The following ITIH2 variants were observed in gnomAD, a reference collection of about 807,000 sequenced individuals.
ITIH2 encodes the protein inter-alpha-trypsin inhibitor heavy chain H2.
A neutral mutation model predicts 104.4 loss-of-function variants in ITIH2; 103 were observed. That is an observed-to-expected ratio of 0.99 (90% CI 0.84 to 1.16). The LOEUF is 1.16. Ranked by LOEUF, ITIH2 falls within the 50% of genes most tolerant of loss-of-function variation. ITIH2 has a pLI of 0.00. For missense variants in ITIH2, 1,108 were observed against 1,162.4 expected, an observed-to-expected ratio of 0.95 and a Z score of 0.68; for synonymous variants, 436 against 435.4, an observed-to-expected ratio of 1.00 and a Z score of -0.02.
Position 7,709,099 on chromosome 10 carries a change from C to T in ITIH2, c.270C>T (p.Ile90=). The T allele has an allele frequency of 6.2e-7, 1 of 1,614,056 alleles. No individual in the cohort carries two copies. Among genetic ancestry groups the T allele is most frequent in the Non-Finnish European group, 8.5e-7 (1 of 1,179,960 alleles). ...CTTCTCGGATGGCCACCACCATGAT[C>T]CAGAGCAAAGTGGTGAACAATTCCC... The part of the protein sequence containing the change: ...TITSRMATTM[I]QSKVVNNSPQ... The change falls in exon 4 of 21, where the codon ATC becomes ATT. Residue 90 remains isoleucine, a synonymous_variant. Transcript: ENST00000358415.
chr10:7,728,065 ATCTGAG>A (rs1834968078), intron 11 of ITIH2, among the ~76,000 whole-genome samples: 1 of 152,176 alleles, frequency 6.6e-6, no homozygotes. Flanking sequence ...ATATGCAGAA[ATCTGAG>A]TCTGAATTTT....
At position 7,734,966 on chromosome 10, in the gene ITIH2, C is replaced by G; in HGVS notation, c.1832C>G (p.Ser611Trp). Residue 611 changes from serine (S) to tryptophan (W), a missense_variant, in exon 15 of 21, where the codon TCG (serine) becomes TGG (tryptophan). By Grantham distance (177) the Ser-to-Trp change is radical. Coordinates refer to ENST00000358415, the MANE Select transcript of ITIH2 (RefSeq NM_002216.3). ...TAAAKRRITR[S>W]ILQMSLDHHI... ...GCCGCCAAGAGAAGAATTACAAGAT[C>G]GATCCTGCAGATGTCTCTAGACCAC... 6.2e-7 allele frequency: 1 copy of G among 1,613,656 alleles called. No homozygotes were observed. The highest frequency in any genetic ancestry group is 8.5e-7 in the Non-Finnish European group (1 of 1,179,938).
intron 5 of ITIH2, among the ~76,000 whole-genome samples, chr10:7,715,638 C>T (rs1386568634): frequency 1.3e-5 from 2 of 152,304 alleles, no homozygotes; most frequent in Non-Finnish European, 2.9e-5. Flanking sequence ...CGAGGCCATG[C>T]TCATCTTTTT....
chr10:7,738,831 G>T, intron 16 of ITIH2, 73 bp downstream of exon 16: 1 of 1,462,422 alleles, frequency 6.8e-7, no homozygotes, highest in Non-Finnish European at 9.1e-7. Context: ...GTGTGCATGA[G>T]GCCAGGTGCA....
intron 8 of ITIH2, among the ~76,000 whole-genome samples, chr10:7,723,233 C>CGTGGA (rs1213498171): frequency 6.7e-6 from 1 of 148,548 alleles, no homozygotes; most frequent in African/African-American, 2.5e-5. Context: ...AGTGAAGCAG[C>CGTGGA]GTGGAGTGGA....
chr10:7,708,535 T>C (rs1834767399), intron 3 of ITIH2, among the ~76,000 whole-genome samples: 1 of 152,076 alleles, frequency 6.6e-6, no homozygotes, highest in African/African-American at 2.4e-5. Flanking sequence ...TTAAAGAAGG[T>C]AGAGAGCTGT....
chr10:7,739,654 G>T (rs938960093), intron 16 of ITIH2, among the ~76,000 whole-genome samples: 8 of 152,118 alleles, frequency 5.3e-5, no homozygotes, highest in African/African-American at 1.9e-4. Flanking sequence ...ACTTTTGGAG[G>T]CTCAGGTGGG....
intron 12 of ITIH2, among the ~76,000 whole-genome samples, chr10:7,731,391 T>C (rs1461759800): frequency 1.3e-5 from 2 of 152,186 alleles, no homozygotes; most frequent in African/African-American, 2.4e-5. Context: ...ACGTCCTGTG[T>C]GAATAAATTA....
At chr10:7,723,216 G>A (rs968962322) in intron 8 of ITIH2, among the ~76,000 whole-genome samples, 11 of 151,594 alleles carry the variant, frequency 7.3e-5, no homozygotes, top group African/African-American at 1.9e-4. Flanking sequence ...GGAGTGGAGC[G>A]GTGTGGAGTG....
At chr10:7,715,005 C>A (rs1834834442) in intron 5 of ITIH2, among the ~76,000 whole-genome samples, 1 of 152,104 alleles carries the variant, frequency 6.6e-6, no homozygotes, top group African/African-American at 2.4e-5. Context: ...GGAACCAAAC[C>A]CCAGAGGATA....
intron 3 of ITIH2, 80 bp from the exon 4 acceptor site, chr10:7,708,942 T>C: frequency 8.3e-7 from 1 of 1,199,074 alleles, no homozygotes. Context: ...TGTAGTGTTG[T>C]TAACATCAAA....
At chr10:7,723,694 T>A in intron 9 of ITIH2, 127 bp downstream of exon 9, 2 of 686,712 alleles carry the variant, frequency 2.9e-6, no homozygotes. Context: ...GGTTACAGAC[T>A]GCCGGTGTCA....
intron 15 of ITIH2, among the ~76,000 whole-genome samples, chr10:7,736,280 T>C (rs1835054892): frequency 6.6e-6 from 1 of 152,116 alleles, no homozygotes; most frequent in African/African-American, 2.4e-5. Flanking sequence ...GGCGGGAGGA[T>C]TGCTTGAGCC....
chr10:7,743,238 C>G lies in ITIH2; in HGVS notation c.2188C>G (p.Leu730Val). The change falls in exon 17 of 21, where the codon CTG (leucine) becomes GTG (valine). Residue 730 changes from leucine to valine, a missense_variant. By Grantham distance (32) the Leu-to-Val change is conservative. Coordinates refer to ENST00000358415, the MANE Select transcript of ITIH2 (RefSeq NM_002216.3). ...IDSEPGKILN[L>V]VSDPESGIVV... is the part of the protein sequence containing the mutation. ...CTCAGAACCTGGAAAAATCCTCAACCTGGTTTCTGACCCAGAATCAGGTAA... is the reference window on the plus strand; with the variant it reads ...CTCAGAACCTGGAAAAATCCTCAACGTGGTTTCTGACCCAGAATCAGGTAA... The G allele has an allele frequency of 6.3e-7, 1 of 1,580,312 alleles. No individual in the cohort carries two copies. Among genetic ancestry groups the G allele is most frequent in the Non-Finnish European group, 8.6e-7 (1 of 1,159,016 alleles).
At chr10:7,716,106 T>G (rs893638407) in intron 5 of ITIH2, among the ~76,000 whole-genome samples, 3 of 152,108 alleles carry the variant, frequency 2.0e-5, no homozygotes, top group African/African-American at 7.2e-5. Flanking sequence ...CCTCTCAGCC[T>G]CCTGAGTAGC....
intron 11 of ITIH2, among the ~76,000 whole-genome samples, chr10:7,728,912 C>T (rs1246946037): frequency 6.6e-6 from 1 of 152,136 alleles, no homozygotes; most frequent in Non-Finnish European, 1.5e-5. Flanking sequence ...TAGAATGAGC[C>T]AGTGTTATGT....
In ITIH2 at chr10:7,749,359, T is replaced by A; in HGVS notation, c.*25T>A. 6.4e-7 allele frequency: 1 copy of A among 1,572,978 alleles called. No individual in the cohort carries two copies. On this transcript the variant is annotated 3_prime_UTR_variant, in exon 21 of 21. Transcript: ENST00000358415. Reference sequence around the variant, plus strand: ...AAGGTTTATAGTTTGGGAAATTATATATATTAATATACATCTTTCCCCTGT... The same window carrying A: ...AAGGTTTATAGTTTGGGAAATTATAAATATTAATATACATCTTTCCCCTGT...
chr10:7,740,738 A>G (rs1292718220), intron 16 of ITIH2, among the ~76,000 whole-genome samples: 1 of 152,102 alleles, frequency 6.6e-6, no homozygotes, highest in Non-Finnish European at 1.5e-5. Flanking sequence ...CATACACTGA[A>G]ATCTCCCTAG....
At position 7,738,732 on chromosome 10, in the gene ITIH2, C is replaced by A. The variant is rs953309905; in HGVS notation, c.2069C>A (p.Ser690Tyr). The change falls in exon 16 of 21, where the codon TCC (serine) becomes TAC (tyrosine). Residue 690 changes from serine (S) to tyrosine (Y), a missense_variant. Coordinates refer to ENST00000358415, the MANE Select transcript of ITIH2 (RefSeq NM_002216.3). ...GCACAAGGATCTCAGGTGCTAGAGT[C>A]CACGCCACCCCCACATGTGATGAGA... ...MLAQGSQVLESTPPPHVMRVE... is the reference protein window; with the variant it reads ...MLAQGSQVLEYTPPPHVMRVE... 1 of 1,612,378 alleles carries A rather than the reference C, an allele frequency of 6.2e-7. No homozygotes were observed. Among genetic ancestry groups the A allele is most frequent in the African/African-American group, 1.3e-5 (1 of 74,778 alleles).
Sources: allele counts gnomAD v4.1 joint callset (sites outside exome capture counted in the v4.1 genomes callset), GRCh38; gene constraint gnomAD v4.1.1; transcripts MANE v1.5; gene names NCBI Gene and HGNC (gene_info 2026-07-23, HGNC 2026-07-21).